RAPGEF5: variants seen among roughly 807,000 people sequenced by gnomAD.
RAPGEF5 encodes Rap guanine nucleotide exchange factor 5.
RAPGEF5 carries 65 observed loss-of-function variants against 125.2 expected under a neutral mutation model. That is an observed-to-expected ratio of 0.52 (90% CI 0.43 to 0.64). RAPGEF5 has a LOEUF of 0.64. Among genes scored for constraint, RAPGEF5 ranks in the 30% least tolerant of loss-of-function variants. RAPGEF5 has a pLI of 0.00. For missense variants in RAPGEF5, 958 were observed against 1,048.1 expected (o/e 0.91, Z 1.19); for synonymous variants, 391 against 385.9 (o/e 1.01, Z -0.16).
intron 9 of RAPGEF5, among the ~76,000 whole-genome samples, chr7:22,218,040 T>A (rs922366646): frequency 2.0e-5 from 3 of 152,178 alleles, no homozygotes; most frequent in Non-Finnish European, 2.9e-5. Flanking sequence ...TATATATACA[T>A]GTGCCATGTT....
chr7:22,244,611 T>C (rs1416317789), intron 7 of RAPGEF5, among the ~76,000 whole-genome samples: 1 of 152,112 alleles, frequency 6.6e-6, no homozygotes, highest in African/African-American at 2.4e-5. Context: ...TTCTACATTA[T>C]GGTGAGTTGT....
intron 7 of RAPGEF5, among the ~76,000 whole-genome samples, chr7:22,244,801 T>C (rs545460425): frequency 2.6e-5 from 4 of 152,298 alleles, no homozygotes; most frequent in South Asian, 4.1e-4. Flanking sequence ...AGAGTGCAGA[T>C]ATCTCTTCAA....
rs548256561 is a variant in RAPGEF5 at position 22,208,419 on chromosome 7, TC to T, written c.996+11446del. ...TCTTCACTAGTATAACTCTTTCTAA[TC>T]ATCTCTGTGAGTTCAAATGAAGGAA... On this transcript the variant is annotated intron_variant, in intron 9 of 25. Transcript: ENST00000665637. 3.9e-5 allele frequency among the ~76,000 whole-genome samples: 6 copies of T among 152,344 alleles called. No homozygotes were observed. In the South Asian group the frequency reaches 1.2e-3, roughly 32 times the overall value.
At chr7:22,261,067 T>A (rs993677266) in intron 7 of RAPGEF5, among the ~76,000 whole-genome samples, 2 of 152,156 alleles carry the variant, frequency 1.3e-5, no homozygotes, top group African/African-American at 4.8e-5. Context: ...ACCATATACA[T>A]AAAATTAATT....
At chr7:22,291,863 G>A (rs940411636) in intron 5 of RAPGEF5, among the ~76,000 whole-genome samples, 6 of 152,130 alleles carry the variant, frequency 3.9e-5, no homozygotes, top group African/African-American at 1.2e-4. Context: ...CAGTTTGTTT[G>A]TTTGTTTGTT....
intron 3 of RAPGEF5, among the ~76,000 whole-genome samples, chr7:22,311,799 T>C (rs1425088989): frequency 6.6e-6 from 1 of 152,232 alleles, no homozygotes; most frequent in Non-Finnish European, 1.5e-5. Context: ...CTTCTAATTC[T>C]ATAGGATATC....
rs531629172 is a variant in RAPGEF5 at position 22,324,826 on chromosome 7, G to A, written c.232-6789C>T. On this transcript the variant is annotated intron_variant, in intron 1 of 25. Transcript: ENST00000665637. ...ATCTCCCGAAAACACCTCCCTACATGTCACCTTATTTTTAACACAACAAAC... is the reference window on the plus strand; with the variant it reads ...ATCTCCCGAAAACACCTCCCTACATATCACCTTATTTTTAACACAACAAAC... 1.5e-4 allele frequency among the ~76,000 whole-genome samples: 23 copies of A among 152,206 alleles called. No homozygotes were observed. The South Asian group carries it at 2.3e-3, about 15-fold the overall frequency.
intron 7 of RAPGEF5, among the ~76,000 whole-genome samples, chr7:22,242,717 C>A (rs757626933): frequency 6.6e-6 from 1 of 152,092 alleles, no homozygotes. Context: ...TTTGGGAGGC[C>A]GAGGCAGGCG....
At chr7:22,242,942 C>A (rs1262791911) in intron 7 of RAPGEF5, among the ~76,000 whole-genome samples, 1 of 129,340 alleles carries the variant, frequency 7.7e-6, no homozygotes, top group Admixed American at 8.1e-5. Flanking sequence ...AGTGAAACTC[C>A]GTCTCAAAAA....
chr7:22,216,839 C>T (rs1785649976), intron 9 of RAPGEF5, among the ~76,000 whole-genome samples: 1 of 152,186 alleles, frequency 6.6e-6, no homozygotes. Context: ...AACACCTTGG[C>T]AAAAGCATAG....
chr7:22,291,033 C>G, intron 6 of RAPGEF5, 142 bp downstream of exon 6: 1 of 889,974 alleles, frequency 1.1e-6, no homozygotes, highest in Non-Finnish European at 1.6e-6. Flanking sequence ...CACTGTCTCC[C>G]TCTGCCTTGC....
chr7:22,125,098 C>G (rs568200710), intron 25 of RAPGEF5: 3 of 153,026 alleles, frequency 2.0e-5, no homozygotes, highest in African/African-American at 7.2e-5. Flanking sequence ...CAAAAGTGCT[C>G]AGAACCACAC....
chr7:22,235,190 C>T (rs916809278), intron 7 of RAPGEF5, among the ~76,000 whole-genome samples: 3 of 152,166 alleles, frequency 2.0e-5, no homozygotes, highest in Admixed American at 6.5e-5. Flanking sequence ...AAAGTTTTGT[C>T]AGTAATATAA....
At chr7:22,169,199 G>A (rs955314220) in intron 11 of RAPGEF5, among the ~76,000 whole-genome samples, 1 of 152,148 alleles carries the variant, frequency 6.6e-6, no homozygotes, top group Admixed American at 6.5e-5. Flanking sequence ...TGTGTACGCA[G>A]AAGAGCCAGG....
intron 1 of RAPGEF5, among the ~76,000 whole-genome samples, chr7:22,332,958 A>G (rs1783950150): frequency 6.6e-6 from 1 of 152,242 alleles, no homozygotes; most frequent in South Asian, 2.1e-4. Flanking sequence ...TGTAAGGAGT[A>G]TATTTTATAT....
chr7:22,342,856 G>C (rs138178904), intron 1 of RAPGEF5, among the ~76,000 whole-genome samples: 2,741 of 152,232 alleles, frequency 0.018, 171 homozygotes, highest in East Asian at 0.15. Context: ...CATTCAACAA[G>C]TCTCTAGGAA....
At chr7:22,250,254 C>A (rs1484984851) in intron 7 of RAPGEF5, among the ~76,000 whole-genome samples, 1 of 152,092 alleles carries the variant, frequency 6.6e-6, no homozygotes, top group African/African-American at 2.4e-5. Context: ...ATTTTTATAA[C>A]CTATCTGAAA....
chr7:22,195,874 A>G (rs1053485896), intron 9 of RAPGEF5, among the ~76,000 whole-genome samples: 1 of 152,302 alleles, frequency 6.6e-6, no homozygotes, highest in East Asian at 1.9e-4. Context: ...GCCAATACTC[A>G]TTTTATATGA....
intron 1 of RAPGEF5, among the ~76,000 whole-genome samples, chr7:22,351,140 G>GTTGT (rs775375969): frequency 2.6e-4 from 40 of 152,232 alleles, no homozygotes; most frequent in African/African-American, 8.2e-4. Flanking sequence ...TTGTATTTTA[G>GTTGT]TTGTTTGTTT....
Sources: allele counts gnomAD v4.1 joint callset (sites outside exome capture counted in the v4.1 genomes callset), GRCh38; gene constraint gnomAD v4.1.1; transcripts MANE v1.5; gene names NCBI Gene and HGNC (gene_info 2026-07-23, HGNC 2026-07-21).